TRMT9B: variants seen among roughly 807,000 people sequenced by gnomAD.
TRMT9B encodes tRNA methyltransferase 9B (putative).
A neutral mutation model predicts 11.5 loss-of-function variants in TRMT9B; 16 were observed. The observed-to-expected ratio is 1.39, with a 90% CI of 0.94 to 2.11. The LOEUF is 2.11. Among genes scored for constraint, TRMT9B ranks in the 30% most tolerant of loss-of-function variants. The probability of loss-of-function intolerance (pLI) is 0.00; values close to 1 mark genes in which losing one functional copy is unlikely to be tolerated. For synonymous variants in TRMT9B, 274 were observed against 192.4 expected, an observed-to-expected ratio of 1.42 and a Z score of -3.51; for missense variants, 941 against 553.8, an observed-to-expected ratio of 1.70 and a Z score of -7.02.
At chr8:13,010,249 A>T in intron 3 of TRMT9B, 1 of 883,506 alleles carries the variant, frequency 1.1e-6, no homozygotes, top group Non-Finnish European at 1.4e-6. Context: ...TGAATTTTGT[A>T]CTATATACAT....
chr8:12,969,610 T>G (rs2128867633), intron 1 of TRMT9B, among the ~76,000 whole-genome samples: 1 of 152,266 alleles, frequency 6.6e-6, no homozygotes, highest in African/African-American at 2.4e-5. Flanking sequence ...TTATTTGTAT[T>G]ATTTTTTATT....
intron 1 of TRMT9B, among the ~76,000 whole-genome samples, chr8:12,985,248 C>T (rs1167839145): frequency 6.6e-6 from 1 of 152,136 alleles, no homozygotes; most frequent in East Asian, 1.9e-4. Context: ...GGATCGTATT[C>T]TCCCGGTGCA....
chr8:12,979,647 G>T (rs540468613), intron 1 of TRMT9B, among the ~76,000 whole-genome samples: 2 of 152,236 alleles, frequency 1.3e-5, no homozygotes, highest in East Asian at 3.9e-4. Flanking sequence ...GCAACTACAG[G>T]TGATTAGTTA....
chr8:13,005,061 G>T (rs1421020528), intron 2 of TRMT9B, among the ~76,000 whole-genome samples: 1 of 150,748 alleles, frequency 6.6e-6, no homozygotes, highest in Non-Finnish European at 1.5e-5. Context: ...ACTCCAGCCT[G>T]GGCGATACAG....
At chr8:13,010,370 G>T (rs1243695725) in intron 3 of TRMT9B, 1 of 978,028 alleles carries the variant, frequency 1.0e-6, no homozygotes, top group African/African-American at 1.8e-5. Context: ...AAGTTCAAAG[G>T]GATGAGGAGA....
At chr8:12,984,898 G>C (rs886867630) in intron 1 of TRMT9B, among the ~76,000 whole-genome samples, 4 of 151,220 alleles carry the variant, frequency 2.6e-5, no homozygotes, top group African/African-American at 9.7e-5. Flanking sequence ...ATATTAAGCT[G>C]TGAGCTCTCT....
chr8:13,005,095 A>G (rs558418860), intron 2 of TRMT9B, among the ~76,000 whole-genome samples: 1 of 152,180 alleles, frequency 6.6e-6, no homozygotes, highest in African/African-American at 2.4e-5. Context: ...CAAAAAAAAA[A>G]AAAAAGAAAA....
chr8:13,019,732 G>A (rs1563450141), intron 4 of TRMT9B, among the ~76,000 whole-genome samples: 1 of 152,310 alleles, frequency 6.6e-6, no homozygotes, highest in Non-Finnish European at 1.5e-5. Flanking sequence ...GCTTTCAAAT[G>A]AGCCATATTA....
chr8:13,020,344 C>A (rs533227254), intron 4 of TRMT9B, among the ~76,000 whole-genome samples: 1 of 152,336 alleles, frequency 6.6e-6, no homozygotes, highest in East Asian at 1.9e-4. Flanking sequence ...TAATAACACA[C>A]TTATGACTTG....
intron 3 of TRMT9B, chr8:13,012,440 T>G: frequency 2.2e-6 from 1 of 458,534 alleles, no homozygotes; most frequent in South Asian, 4.9e-5. Context: ...CCGGTCATGG[T>G]GGCACGCGCC....
intron 2 of TRMT9B, among the ~76,000 whole-genome samples, chr8:12,999,298 CA>C (rs71207111): frequency 0.19 from 8,990 of 47,196 alleles, 141 homozygotes; most frequent in Middle Eastern, 0.23. Flanking sequence ...GACTCCATCT[CA>C]AAAAAAAAAA....
Position 13,028,344 on chromosome 8 carries a change from A to G in TRMT9B, c.*6300A>G, listed in dbSNP as rs530203780. ...AATAAATACTAGAGCTGCAGAAAGT[A>G]AAGTTTACTCCAACCCAATTAATCA... On this transcript the variant is annotated 3_prime_UTR_variant, in exon 5 of 5. Coordinates refer to ENST00000524591, the MANE Select transcript of TRMT9B (RefSeq NM_020844.3). 1 of 167,184 alleles carries G rather than the reference A, an allele frequency of 6.0e-6. No individual in the cohort carries two copies. The highest frequency in any genetic ancestry group is 2.4e-5 in the African/African-American group (1 of 41,584). 10.4% of individuals were successfully genotyped at this position (167,184 alleles called of 1,614,324 possible).
At chr8:12,982,925 C>T (rs1259004299) in intron 1 of TRMT9B, among the ~76,000 whole-genome samples, 2 of 152,152 alleles carry the variant, frequency 1.3e-5, no homozygotes, top group East Asian at 1.9e-4. Context: ...ATGTTTTCCT[C>T]GCATGCCCAG....
At chr8:12,975,687 G>A (rs1355629523) in intron 1 of TRMT9B, among the ~76,000 whole-genome samples, 2 of 152,094 alleles carry the variant, frequency 1.3e-5, no homozygotes, top group African/African-American at 2.4e-5. Context: ...GCAGTGAGCC[G>A]AGATGGTGCC....
intron 1 of TRMT9B, among the ~76,000 whole-genome samples, chr8:12,958,971 A>G (rs956992478): frequency 3.9e-5 from 6 of 152,296 alleles, no homozygotes; most frequent in Middle Eastern, 3.4e-3. Context: ...GAGGGATAGC[A>G]TTAGGAGAAA....
chr8:12,951,073 A>G (rs766129069), intron 1 of TRMT9B, among the ~76,000 whole-genome samples: 1 of 152,220 alleles, frequency 6.6e-6, no homozygotes, highest in Non-Finnish European at 1.5e-5. Flanking sequence ...GAAAGTAGTT[A>G]ACGCTATTGT....
At chr8:12,993,697 G>C (rs1399348498) in intron 2 of TRMT9B, among the ~76,000 whole-genome samples, 1 of 152,206 alleles carries the variant, frequency 6.6e-6, no homozygotes, top group African/African-American at 2.4e-5. Flanking sequence ...TTTTGCTCCA[G>C]TCAGAGTCCC....
At chr8:13,004,217 T>A (rs1418884830) in intron 2 of TRMT9B, among the ~76,000 whole-genome samples, 1 of 151,826 alleles carries the variant, frequency 6.6e-6, no homozygotes, top group South Asian at 2.1e-4. Flanking sequence ...TAAATACACT[T>A]GAAAGGCAGT....
intron 1 of TRMT9B, among the ~76,000 whole-genome samples, chr8:12,967,849 G>A (rs1367985304): frequency 6.6e-6 from 1 of 152,200 alleles, no homozygotes; most frequent in African/African-American, 2.4e-5. Flanking sequence ...ACAGGCTGAA[G>A]GTCCTTATTA....
Sources: allele counts gnomAD v4.1 joint callset (sites outside exome capture counted in the v4.1 genomes callset), GRCh38; gene constraint gnomAD v4.1.1; transcripts MANE v1.5; gene names NCBI Gene and HGNC (gene_info 2026-07-23, HGNC 2026-07-21).